Variants in SIRPG observed in about 807,000 individuals in gnomAD.
The protein encoded by SIRPG is signal-regulatory protein gamma.
SIRPG carries 38 observed loss-of-function variants against 35.7 expected under a neutral mutation model. The observed-to-expected ratio is 1.06, with a 90% CI of 0.82 to 1.40. The LOEUF is 1.40. Among genes scored for constraint, SIRPG ranks in the 40% most tolerant of loss-of-function variants. SIRPG has a pLI of 0.00. For synonymous variants in SIRPG, 215 were observed against 190.4 expected (o/e 1.13, Z -1.06); for missense variants, 519 against 483.0 (o/e 1.07, Z -0.70).
intron 1 of SIRPG, among the ~76,000 whole-genome samples, chr20:1,650,146 T>TC (rs1568736779): frequency 6.6e-6 from 1 of 151,442 alleles, no homozygotes; most frequent in African/African-American, 2.4e-5. Context: ...TTCTAGAGGC[T>TC]GCCCACATTC....
chr20:1,680,669 A>G, the SIRPG span, among the ~76,000 whole-genome samples: 4 of 152,118 alleles, frequency 2.6e-5, no homozygotes, highest in Admixed American at 6.5e-5. Flanking sequence ...AATGACAACA[A>G]TGTAATGTAC....
intron 2 of SIRPG, among the ~76,000 whole-genome samples, chr20:1,645,300 G>A (rs1335169405): frequency 1.3e-5 from 2 of 152,144 alleles, no homozygotes; most frequent in Non-Finnish European, 2.9e-5. Context: ...ACCTTTGCCA[G>A]GGGACTGGGT....
rs751933850 is a variant in SIRPG at position 1,635,351 on chromosome 20, G to A, written c.997C>T (p.His333Tyr). The change falls in exon 4 of 6, where the codon CAT becomes TAT. Residue 333 changes from histidine to tyrosine, a missense_variant. Physicochemically the swap from His to Tyr is moderately conservative, Grantham distance 83 (BLOSUM62 2). Transcript: ENST00000303415. ...DDVVLTCQVK[H>Y]DGQLAVSKRL... is the part of the protein sequence containing the mutation. Reference sequence around the variant, plus strand: ...TTGCTGACCGCCAGCTGCCCATCATGCTTCACCTGGCAGGTGAGGACCACA... The same window carrying A: ...TTGCTGACCGCCAGCTGCCCATCATACTTCACCTGGCAGGTGAGGACCACA... 3.7e-6 allele frequency: 6 copies of A among 1,614,188 alleles called. No individual in the cohort carries two copies. The highest frequency in any genetic ancestry group is 5.1e-6 in the Non-Finnish European group (6 of 1,180,032).
chr20:1,634,057 G>T (rs184021877), intron 4 of SIRPG, among the ~76,000 whole-genome samples: 5 of 152,274 alleles, frequency 3.3e-5, no homozygotes, highest in Admixed American at 3.3e-4. Flanking sequence ...TTACTGGGTG[G>T]TTGAAGCAAA....
At chr20:1,655,857 C>A (rs2256335) in intron 1 of SIRPG, among the ~76,000 whole-genome samples, 152,194 of 152,210 alleles carry the variant, frequency 1, 76,089 homozygotes, top group Middle Eastern at 1. Context: ...AGAAAGAGAA[C>A]CAATGATTAA....
At chr20:1,665,998 G>A in the SIRPG span, among the ~76,000 whole-genome samples, 1 of 152,118 alleles carries the variant, frequency 6.6e-6, no homozygotes, top group Non-Finnish European at 1.5e-5. Context: ...GCGGGTTATG[G>A]CCCCTGAAGG....
In SIRPG at chr20:1,635,312, C is replaced by T. The variant is rs1344323115; in HGVS notation, c.1036G>A (p.Glu346Lys). Residue 346 changes from glutamate to lysine, a missense_variant, in exon 4 of 6, where the codon GAG becomes AAG. Coordinates refer to ENST00000303415, the MANE Select transcript of SIRPG (RefSeq NM_018556.4). ...QLAVSKRLAL[E>K]VTVHQKDQSS... is the part of the protein sequence containing the mutation. ...TGGTCCTTCTGGTGGACTGTGACCT[C>T]TAGGGCAAGGCGTTTGCTGACCGCC... The T allele has an allele frequency of 6.8e-6, 11 of 1,614,128 alleles. No individual in the cohort carries two copies. Among genetic ancestry groups the T allele is most frequent in the Middle Eastern group, 3.3e-4 (2 of 6,062 alleles).
At chr20:1,631,664 A>C (rs891267041) in intron 4 of SIRPG, among the ~76,000 whole-genome samples, 21 of 152,170 alleles carry the variant, frequency 1.4e-4, no homozygotes, top group Admixed American at 5.2e-4. Flanking sequence ...TGAAGCCTGA[A>C]TACTCATCAG....
the SIRPG span, among the ~76,000 whole-genome samples, chr20:1,666,854 A>T: frequency 6.6e-6 from 1 of 152,134 alleles, no homozygotes; most frequent in Non-Finnish European, 1.5e-5. Context: ...AAAAATTATT[A>T]AAAAATATTT....
chr20:1,676,449 T>C, the SIRPG span, among the ~76,000 whole-genome samples: 29 of 152,346 alleles, frequency 1.9e-4, no homozygotes, highest in Admixed American at 1.8e-3. Flanking sequence ...ATTCTGCAGC[T>C]GTCAAAGAGT....
In SIRPG at chr20:1,635,518, T is replaced by C; in HGVS notation, c.830A>G (p.Tyr277Cys). ...CCAGGTCAGCTGTAGGCTCTGGGGG[T>C]AGAACTTCCTCACCTGGCAGGTGAC... ...VNVTCQVRKF[Y>C]PQSLQLTWSE... Residue 277 changes from tyrosine (Y) to cysteine (C), a missense_variant, in exon 4 of 6, where the codon TAC becomes TGC. Tyr to Cys is a radical substitution (Grantham distance 194). Transcript: ENST00000303415. 1 of 1,613,970 alleles carries C rather than the reference T, an allele frequency of 6.2e-7. No homozygotes were observed.
rs777837358 is a variant in SIRPG at position 1,649,275 on chromosome 20, T to C, written c.207A>G (p.Gly69=). Residue 69 remains glycine, a synonymous_variant, in exon 2 of 6, where the codon GGA becomes GGG. Coordinates refer to ENST00000303415, the MANE Select transcript of SIRPG (RefSeq NM_018556.4). ...LPVGPVLWFR[G]VGPGRELIYN... ...AGATTAATTCCCGGCCTGGTCCAAC[T>C]CCTCTGAACCACAGGACGGGTCCCA... 2.5e-5 allele frequency: 41 copies of C among 1,613,980 alleles called. No homozygotes were observed. The East Asian group carries it at 3.3e-4, about 13-fold the overall frequency.
rs777955269 is a variant in SIRPG at position 1,636,502 on chromosome 20, T to G, written c.434A>C (p.Lys145Thr). Residue 145 changes from lysine (K) to threonine (T), a missense_variant, in exon 3 of 6, where the codon AAA becomes ACA. Transcript: ENST00000303415. Reference protein sequence around the residue: ...GPGTEMALGAKPSAPVVLGPA... With the variant: ...GPGTEMALGATPSAPVVLGPA... ...GCCCAATACCACGGGGGCAGAGGGT[T>G]TGGCTACAAAAGGGGCATCGATAAA... 12 of 1,613,946 alleles carry G rather than the reference T, an allele frequency of 7.4e-6. No homozygotes were observed. The Admixed American group carries it at 2.0e-4, about 27-fold the overall frequency.
chr20:1,679,511 G>C, the SIRPG span, among the ~76,000 whole-genome samples: 1 of 151,628 alleles, frequency 6.6e-6, no homozygotes, highest in Admixed American at 6.6e-5. Context: ...CTTGCCTGGG[G>C]TTCCAATCTG....
In SIRPG at chr20:1,636,327, C is replaced by T; in HGVS notation, c.609G>A (p.Val203=). Residue 203 remains valine (V), a synonymous_variant, in exon 3 of 6, where the codon GTG becomes GTA. Transcript: ENST00000303415. The part of the protein sequence containing the change: ...QTNVDPTGQS[V]AYSIRSTARV... ...TGGCTGTGCTGCGGATGCTGTAGGC[C>T]ACACTCTGTCCTGTGGGGTCCACGT... The T allele has an allele frequency of 6.2e-7, 1 of 1,614,214 alleles. No homozygotes were observed. The highest frequency in any genetic ancestry group is 8.5e-7 in the Non-Finnish European group (1 of 1,180,046).
upstream of SIRPG, among the ~76,000 whole-genome samples, chr20:1,660,514 T>C (rs2091993304): frequency 6.6e-6 from 1 of 152,164 alleles, no homozygotes; most frequent in Admixed American, 6.5e-5. Flanking sequence ...AAATGCATAG[T>C]ATAGTGTCAG....
At chr20:1,681,452 G>A in the SIRPG span, among the ~76,000 whole-genome samples, 2 of 152,298 alleles carry the variant, frequency 1.3e-5, no homozygotes, top group Middle Eastern at 3.4e-3. Context: ...GGGGTGATAA[G>A]AATCTCTACC....
chr20:1,661,247 G>A (rs1214251849), upstream of SIRPG, among the ~76,000 whole-genome samples: 1 of 152,174 alleles, frequency 6.6e-6, no homozygotes, highest in Non-Finnish European at 1.5e-5. Context: ...ACGATGATGA[G>A]CTGAGGTCAT....
In SIRPG at chr20:1,656,163, A is replaced by G. The variant is rs185165350; in HGVS notation, c.73+1479T>C. 1.1e-3 allele frequency among the ~76,000 whole-genome samples: 164 copies of G among 152,256 alleles called. 2 individuals are homozygous for G. The highest frequency in any genetic ancestry group is 3.8e-3 in the African/African-American group (156 of 41,546). On this transcript the variant is annotated intron_variant, in intron 1 of 5. Transcript: ENST00000303415. ...TGGTGTGATGGGTGATTATTAATCT[A>G]ATGTTTGCTTGCCTGCATTTTCTAA...
Sources: allele counts gnomAD v4.1 joint callset (sites outside exome capture counted in the v4.1 genomes callset), GRCh38; gene constraint gnomAD v4.1.1; transcripts MANE v1.5; gene names NCBI Gene and HGNC (gene_info 2026-07-23, HGNC 2026-07-21).